ZNF512: variants seen among roughly 807,000 people sequenced by gnomAD.
ZNF512 encodes the protein zinc finger protein 512.
A neutral mutation model predicts 77.5 loss-of-function variants in ZNF512; 25 were observed. The ratio of observed to expected loss-of-function variants is 0.32; its 90% CI spans 0.23 to 0.45. ZNF512 has a LOEUF of 0.45. Ranked by LOEUF, ZNF512 falls within the 20% of genes least tolerant of loss-of-function variation. The probability of loss-of-function intolerance (pLI) is 1.00; values close to 1 mark genes in which losing one functional copy is unlikely to be tolerated. For synonymous variants in ZNF512, 246 were observed against 239.9 expected (o/e 1.03, Z -0.24); for missense variants, 483 against 692.6 (o/e 0.70, Z 3.40).
At chr2:27,616,060 C>T (rs1322836026) in intron 11 of ZNF512, among the ~76,000 whole-genome samples, 1 of 152,226 alleles carries the variant, frequency 6.6e-6, no homozygotes, top group African/African-American at 2.4e-5. Context: ...ACAACTTGTT[C>T]ACCTTCTGTT....
intron 11 of ZNF512, among the ~76,000 whole-genome samples, chr2:27,616,010 A>C (rs1672865359): frequency 6.6e-6 from 1 of 152,238 alleles, no homozygotes; most frequent in African/African-American, 2.4e-5. Context: ...TAAGTGTCAG[A>C]GAAAGTACTG....
intron 13 of ZNF512, among the ~76,000 whole-genome samples, chr2:27,620,112 G>A (rs2148049914): frequency 6.6e-6 from 1 of 152,072 alleles, no homozygotes; most frequent in East Asian, 1.9e-4. Context: ...CATTAAAAAA[G>A]TATTTTAAAA....
chr2:27,592,667 C>CTTTT lies in ZNF512; in HGVS notation c.90-5373_90-5370dup, dbSNP rs139890307. Among the ~76,000 whole-genome samples, 63 of 81,570 alleles carry CTTTT rather than the reference C, an allele frequency of 7.7e-4. 2 individuals are homozygous for CTTTT. The highest frequency in any genetic ancestry group is 1.2e-3 in the Non-Finnish European group (51 of 42,736). 53.5% of individuals were successfully genotyped at this position (81,570 alleles called of 152,430 possible). ...TACCCATATAATTTACCATGTTTACCTTTTTTTTTTTTTTTTTTTTTTTTT... is the reference window on the plus strand; with the variant it reads ...TACCCATATAATTTACCATGTTTACCTTTTTTTTTTTTTTTTTTTTTTTTTTTTT... On this transcript the variant is annotated intron_variant, in intron 2 of 13. Coordinates refer to ENST00000355467, the MANE Select transcript of ZNF512 (RefSeq NM_032434.4).
chr2:27,619,945 T>C (rs1673047122), intron 13 of ZNF512, among the ~76,000 whole-genome samples: 1 of 152,168 alleles, frequency 6.6e-6, no homozygotes, highest in East Asian at 1.9e-4. Flanking sequence ...TATTTAAATT[T>C]CCCTGATTAT....
intron 12 of ZNF512, chr2:27,617,115 C>A (rs1672916308): frequency 4.9e-6 from 1 of 202,600 alleles, no homozygotes; most frequent in Admixed American, 5.3e-5. Flanking sequence ...ATTGGTGCCT[C>A]TGGTGAATTT....
At chr2:27,615,520 G>A (rs1249238609) in intron 11 of ZNF512, among the ~76,000 whole-genome samples, 2 of 152,242 alleles carry the variant, frequency 1.3e-5, no homozygotes, top group Non-Finnish European at 2.9e-5. Context: ...TGTTCAAGAT[G>A]GTTTCTGTGC....
chr2:27,583,417 C>G (rs1671199721), intron 1 of ZNF512: 4 of 1,441,466 alleles, frequency 2.8e-6, no homozygotes, highest in Non-Finnish European at 3.6e-6. Context: ...CTTTTGGCCT[C>G]CCTTTTAGAG....
At chr2:27,621,026 G>C (rs1673097716) in intron 13 of ZNF512, 127 bp from the exon 14 acceptor site, 4 of 1,012,614 alleles carry the variant, frequency 4.0e-6, no homozygotes, top group South Asian at 1.7e-5. Flanking sequence ...CTGAGGTATG[G>C]TTCCATATCT....
At position 27,622,231 on chromosome 2, in the gene ZNF512, A is replaced by C. The variant is rs905457086; in HGVS notation, c.*770A>C. On this transcript the variant is annotated 3_prime_UTR_variant, in exon 14 of 14. Coordinates refer to ENST00000355467, the MANE Select transcript of ZNF512 (RefSeq NM_032434.4). ...TTTCCTGGAGCCCGAGGCCTCATCC[A>C]TAGCTATGATCACTTGCCCTCTGAA... 2 of 152,408 alleles carry C rather than the reference A, an allele frequency of 1.3e-5. No individual in the cohort carries two copies. Among genetic ancestry groups the C allele is most frequent in the Admixed American group, 1.3e-4 (2 of 15,282 alleles). 9.4% of individuals were successfully genotyped at this position (152,408 alleles called of 1,614,324 possible). A position where few individuals can be genotyped will look rare whatever the true frequency, so the allele number is the denominator to read the frequency against.
chr2:27,618,398 G>A (rs1343790847), intron 13 of ZNF512, among the ~76,000 whole-genome samples: 2 of 152,152 alleles, frequency 1.3e-5, no homozygotes, highest in African/African-American at 4.8e-5. Context: ...AACAACTAAA[G>A]GACATTATTG....
chr2:27,583,273 A>G, intron 1 of ZNF512, 131 bp downstream of exon 1: 2 of 1,404,308 alleles, frequency 1.4e-6, no homozygotes, highest in Middle Eastern at 3.5e-4. Flanking sequence ...CTTCTAGATC[A>G]GATCACCTGT....
chr2:27,617,567 C>G lies in ZNF512; in HGVS notation c.1391C>G (p.Ala464Gly). ...GVKYHINSVH[A>G]EDWFVVNPTT... ...AAGTATCACATCAACTCCGTCCATG[C>G]TGAGGTGAGGTTTTTGTAATCCTGT... The change falls in exon 13 of 14, where the codon GCT becomes GGT. Residue 464 changes from alanine (A) to glycine (G), a missense_variant. Transcript: ENST00000355467. 1.7e-6 allele frequency: 2 copies of G among 1,196,376 alleles called. No individual in the cohort carries two copies. Among genetic ancestry groups the G allele is most frequent in the Non-Finnish European group, 2.5e-6 (2 of 798,460 alleles). 74.1% of individuals were successfully genotyped at this position (1,196,376 alleles called of 1,614,324 possible).
At chr2:27,612,736 T>C (rs548346884) in intron 10 of ZNF512, among the ~76,000 whole-genome samples, 9 of 152,240 alleles carry the variant, frequency 5.9e-5, no homozygotes, top group Admixed American at 2.0e-4. Context: ...ACAAATTTTC[T>C]GTATTTGCGT....
chr2:27,598,107 T>C lies in ZNF512; in HGVS notation c.130T>C (p.Tyr44His), dbSNP rs1194941304. ...CTCCATAAAGGATAATAGTTTCCAGTACACTATCCCTCATGATGACTCCTT... is the reference window on the plus strand; with the variant it reads ...CTCCATAAAGGATAATAGTTTCCAGCACACTATCCCTCATGATGACTCCTT... ...QCSIKDNSFQ[Y>H]TIPHDDSLSG... is the part of the protein sequence containing the mutation. Residue 44 changes from tyrosine (Y) to histidine (H), a missense_variant, in exon 3 of 14, where the codon TAC becomes CAC. Physicochemically the swap from Tyr to His is moderately conservative, Grantham distance 83 (BLOSUM62 2). This residue lies in a region of ZNF512 where 159 missense variants were observed against 167.5 expected (regional missense o/e 0.95). Transcript: ENST00000355467. 1 of 1,610,290 alleles carries C rather than the reference T, an allele frequency of 6.2e-7. No homozygotes were observed. Among genetic ancestry groups the C allele is most frequent in the Admixed American group, 1.7e-5 (1 of 59,948 alleles).
chr2:27,598,065 A>G lies in ZNF512; in HGVS notation c.90-2A>G, dbSNP rs752424188. 1 of 1,543,914 alleles carries G rather than the reference A, an allele frequency of 6.5e-7. No homozygotes were observed. Among genetic ancestry groups the G allele is most frequent in the Non-Finnish European group, 8.8e-7 (1 of 1,132,306 alleles). ...GTGGTATATATTTTTATGTTGTATTAGTAGCAGGACCCAGTGCTCCATAAA... is the reference window on the plus strand; with the variant it reads ...GTGGTATATATTTTTATGTTGTATTGGTAGCAGGACCCAGTGCTCCATAAA... On this transcript the variant is annotated splice_acceptor_variant, in intron 2 of 13. Coordinates refer to ENST00000355467, the MANE Select transcript of ZNF512 (RefSeq NM_032434.4). LOFTEE classifies it high-confidence loss of function.
rs544750129 is a variant in ZNF512, at chr2:27,603,325, T to G, written c.936+18T>G. The G allele has an allele frequency of 3.1e-6, 5 of 1,612,112 alleles. No homozygotes were observed. In the South Asian group the frequency reaches 5.5e-5, roughly 18 times the overall value. The stretch of plus-strand genomic sequence containing the variant: ...ATGGGCCTGTGAGTACTGATTCCTT[T>G]CTATACCCTGCGTGGGGATGTATTT... On this transcript the variant is annotated intron_variant, in intron 9 of 13. Transcript: ENST00000355467.
chr2:27,614,719 A>G (rs1672809315), intron 10 of ZNF512, among the ~76,000 whole-genome samples: 2 of 151,606 alleles, frequency 1.3e-5, no homozygotes, highest in Non-Finnish European at 2.9e-5. Context: ...TACCACTGTT[A>G]ATATTTTGAT....
intron 10 of ZNF512, among the ~76,000 whole-genome samples, chr2:27,610,564 ATATATTTTTTTTTTTT>A (rs1488636202): frequency 3.4e-5 from 1 of 29,706 alleles, no homozygotes; most frequent in Non-Finnish European, 6.4e-5. Context: ...ATATATATAT[ATATATTTTTTTTTTTT>A]TTTTTTTTTT....
At chr2:27,599,813 C>G (rs1410663158) in intron 4 of ZNF512, 135 bp downstream of exon 4, 8 of 1,139,760 alleles carry the variant, frequency 7.0e-6, no homozygotes. Flanking sequence ...AGGGAATGGC[C>G]TCCATCCTGC....
Sources: allele counts gnomAD v4.1 joint callset (sites outside exome capture counted in the v4.1 genomes callset), GRCh38; gene constraint gnomAD v4.1.1; regional missense constraint gnomAD v4.1.1; transcripts MANE v1.5; gene names NCBI Gene and HGNC (gene_info 2026-07-23, HGNC 2026-07-21).